The following TMEM232 variants were observed in gnomAD, a reference collection of about 807,000 sequenced individuals.
TMEM232 encodes transmembrane protein 232.
A neutral mutation model predicts 78.8 loss-of-function variants in TMEM232; 80 were observed. The ratio of observed to expected loss-of-function variants is 1.01; its 90% CI spans 0.85 to 1.22. The LOEUF (loss-of-function observed/expected upper bound fraction) is 1.22. Among genes scored for constraint, TMEM232 ranks in the 50% most tolerant of loss-of-function variants. The pLI is 0.00. For synonymous variants in TMEM232, 297 were observed against 254.3 expected (o/e 1.17, Z -1.60); for missense variants, 881 against 742.2 (o/e 1.19, Z -2.17).
chr5:110,648,674 AAAAC>A lies in TMEM232; in HGVS notation c.126-6307_126-6304del, dbSNP rs570383204. On this transcript the variant is annotated intron_variant, in intron 2 of 13. Coordinates refer to ENST00000455884, the MANE Select transcript of TMEM232 (RefSeq NM_001039763.4). Reference sequence around the variant, plus strand: ...TGTTACTGGGACCACCGCTTATGGTAAAACAAACAAACAAACAAACAAACAAAAC... The same window carrying A: ...TGTTACTGGGACCACCGCTTATGGTAAAACAAACAAACAAACAAACAAAAC... Among the ~76,000 whole-genome samples, 36 of 152,132 alleles carry A rather than the reference AAAAC, an allele frequency of 2.4e-4. No individual in the cohort carries two copies. The East Asian group carries it at 4.1e-3, about 17-fold the overall frequency.
chr5:110,406,934 T>A (rs1024719985), intron 2 of TMEM232, among the ~76,000 whole-genome samples: 1 of 152,112 alleles, frequency 6.6e-6, no homozygotes, highest in African/African-American at 2.4e-5. Context: ...TAACTTGTTA[T>A]GTCTTTAAAA....
intron 1 of TMEM232, among the ~76,000 whole-genome samples, chr5:110,724,915 T>A (rs1798004415): frequency 6.6e-6 from 1 of 152,276 alleles, no homozygotes; most frequent in South Asian, 2.1e-4. Context: ...AAAGTCGATA[T>A]AGATTTAGCA....
At chr5:110,559,787 C>G (rs114796341) in intron 11 of TMEM232, among the ~76,000 whole-genome samples, 157 of 152,236 alleles carry the variant, frequency 1.0e-3, no homozygotes, top group African/African-American at 3.7e-3. Flanking sequence ...GGTTAGGAGT[C>G]TGAAATGAAG....
chr5:110,530,159 G>C (rs1771221808), intron 11 of TMEM232, among the ~76,000 whole-genome samples: 1 of 152,156 alleles, frequency 6.6e-6, no homozygotes, highest in Admixed American at 6.5e-5. Context: ...GAATTATTTA[G>C]ACAAAAGTAT....
intron 10 of TMEM232, among the ~76,000 whole-genome samples, chr5:110,602,796 T>C (rs1561366436): frequency 1.3e-5 from 2 of 152,200 alleles, no homozygotes; most frequent in Non-Finnish European, 2.9e-5. Flanking sequence ...TTACTGGGTA[T>C]ATACCCAAAG....
chr5:110,539,451 C>A (rs544070897), intron 11 of TMEM232, among the ~76,000 whole-genome samples: 4 of 152,322 alleles, frequency 2.6e-5, no homozygotes, highest in African/African-American at 7.2e-5. Flanking sequence ...AATCCATATA[C>A]CCTCCTGGCT....
rs1401244212 is a variant in TMEM232, at chr5:110,656,033, T to C, written c.125+11195A>G. Among the ~76,000 whole-genome samples the C allele has an allele frequency of 2.0e-5, 3 of 151,554 alleles. No homozygotes were observed. The East Asian group carries it at 5.9e-4, about 30-fold the overall frequency. On this transcript the variant is annotated intron_variant, in intron 2 of 13. Coordinates refer to ENST00000455884, the MANE Select transcript of TMEM232 (RefSeq NM_001039763.4). ...AACTAACCTGCACATTGTGCACATG[T>C]ACCCTAAAACTTAAAGTATAATAAA...
intron 3 of TMEM232, among the ~76,000 whole-genome samples, chr5:110,393,453 A>G (rs546427423): frequency 6.6e-6 from 1 of 152,188 alleles, no homozygotes; most frequent in African/African-American, 2.4e-5. Context: ...TAGCTACTTT[A>G]GCTTTCTTTT....
At chr5:110,696,858 G>A (rs1267137905) in intron 1 of TMEM232, among the ~76,000 whole-genome samples, 3 of 152,138 alleles carry the variant, frequency 2.0e-5, no homozygotes, top group South Asian at 4.2e-4. Flanking sequence ...ATATCATGAA[G>A]ATGGCCATAC....
intron 8 of TMEM232, chr5:110,618,117 T>C (rs1405713843): frequency 3.9e-6 from 1 of 254,408 alleles, no homozygotes; most frequent in Non-Finnish European, 7.4e-6. Flanking sequence ...TGCTTTTGTT[T>C]AACAACTTGG....
intron 1 of TMEM232, among the ~76,000 whole-genome samples, chr5:110,695,235 A>C (rs1465381291): frequency 6.6e-6 from 1 of 152,216 alleles, no homozygotes; most frequent in African/African-American, 2.4e-5. Context: ...GCAGAAATAA[A>C]GATGTTCTTC....
At chr5:110,527,194 T>C (rs958867234) in intron 12 of TMEM232, among the ~76,000 whole-genome samples, 1 of 151,854 alleles carries the variant, frequency 6.6e-6, no homozygotes, top group African/African-American at 2.4e-5. Context: ...TTGTGAAAGA[T>C]AATATGTACA....
intron 10 of TMEM232, among the ~76,000 whole-genome samples, chr5:110,588,226 C>G (rs889243538): frequency 6.6e-6 from 1 of 152,096 alleles, no homozygotes; most frequent in Non-Finnish European, 1.5e-5. Context: ...ATTTCATTCA[C>G]TACTGTCATT....
chr5:110,402,953 A>T (rs1005521553), intron 2 of TMEM232, among the ~76,000 whole-genome samples: 1 of 152,136 alleles, frequency 6.6e-6, no homozygotes, highest in Non-Finnish European at 1.5e-5. Context: ...GTTCACTATA[A>T]TCTAATGTCT....
rs150670264 is a variant in TMEM232, at chr5:110,448,714, A to G, written c.1704-23798T>C. Among the ~76,000 whole-genome samples the G allele has an allele frequency of 2.0e-5, 3 of 152,170 alleles. No homozygotes were observed. In the East Asian group the frequency reaches 5.8e-4, roughly 29 times the overall value. ...TCTCACATGGAATGAGGAAAGTATC[A>G]AAAGGAGGAAGGGATGCAAAATACA... On this transcript the variant is annotated intron_variant, in intron 12 of 13. Coordinates refer to ENST00000455884, the MANE Select transcript of TMEM232 (RefSeq NM_001039763.4).
chr5:110,467,400 G>A (rs1412788283), intron 12 of TMEM232, among the ~76,000 whole-genome samples: 1 of 152,170 alleles, frequency 6.6e-6, no homozygotes, highest in African/African-American at 2.4e-5. Flanking sequence ...AGATAAAACT[G>A]AATAACGGAT....
intron 2 of TMEM232, among the ~76,000 whole-genome samples, chr5:110,643,274 T>A: frequency 6.6e-6 from 1 of 152,132 alleles, no homozygotes; most frequent in Non-Finnish European, 1.5e-5. Flanking sequence ...ATGTTTGAGA[T>A]GATCATGGCC....
intron 2 of TMEM232, among the ~76,000 whole-genome samples, chr5:110,409,139 A>G (rs1008164679): frequency 1.2e-4 from 18 of 152,204 alleles, no homozygotes; most frequent in African/African-American, 4.1e-4. Flanking sequence ...GTTACTTTGC[A>G]AACAAATATG....
chr5:110,598,139 T>A (rs971761947), intron 10 of TMEM232, among the ~76,000 whole-genome samples: 1 of 151,872 alleles, frequency 6.6e-6, no homozygotes, highest in Non-Finnish European at 1.5e-5. Context: ...ATATCCACAA[T>A]CTACAATGAA....
Sources: allele counts gnomAD v4.1 joint callset (sites outside exome capture counted in the v4.1 genomes callset), GRCh38; gene constraint gnomAD v4.1.1; transcripts MANE v1.5; gene names NCBI Gene and HGNC (gene_info 2026-07-23, HGNC 2026-07-21).